The following DOCK8 variants were observed in gnomAD, a reference collection of about 807,000 sequenced individuals.
DOCK8 encodes the protein dedicator of cytokinesis 8.
DOCK8 carries 141 observed loss-of-function variants against 245.6 expected under a neutral mutation model. The observed-to-expected ratio is 0.57, with a 90% CI of 0.50 to 0.66. DOCK8 has a LOEUF of 0.66. DOCK8 is among the 30% of genes least tolerant of loss of function. The pLI, the probability that DOCK8 is intolerant of heterozygous loss-of-function variation, is 0.00. For synonymous variants in DOCK8, 1,168 were observed against 970.2 expected, an observed-to-expected ratio of 1.20 and a Z score of -3.79; for missense variants, 2,965 against 2,603.4, an observed-to-expected ratio of 1.14 and a Z score of -3.02.
At chr9:309,988 C>T (rs1160375812) in intron 5 of DOCK8, among the ~76,000 whole-genome samples, 1 of 152,168 alleles carries the variant, frequency 6.6e-6, no homozygotes, top group Non-Finnish European at 1.5e-5. Context: ...GTCATCGTGG[C>T]CAAGCGTGGT....
chr9:328,183 C>G lies in DOCK8; in HGVS notation c.1044+12C>G, dbSNP rs376502656. Reference sequence around the variant, plus strand: ...ACCTGGTAGTCAAGGTAATTCAGTACGATCTGATTTGCCCAATCTGATGTT... The same window carrying G: ...ACCTGGTAGTCAAGGTAATTCAGTAGGATCTGATTTGCCCAATCTGATGTT... On this transcript the variant is annotated intron_variant, in intron 9 of 47. Coordinates refer to ENST00000432829, the MANE Select transcript of DOCK8 (RefSeq NM_203447.4). 1.2e-6 allele frequency: 2 copies of G among 1,610,804 alleles called. No homozygotes were observed. Among genetic ancestry groups the G allele is most frequent in the Admixed American group, 3.4e-5 (2 of 59,554 alleles).
At chr9:290,348 C>A (rs1035652075) in intron 4 of DOCK8, among the ~76,000 whole-genome samples, 2 of 151,806 alleles carry the variant, frequency 1.3e-5, no homozygotes, top group Admixed American at 1.3e-4. Flanking sequence ...TGAGATAATT[C>A]TTCTTCCAGT....
intron 1 of DOCK8, among the ~76,000 whole-genome samples, chr9:218,552 T>C (rs1419109157): frequency 1.3e-5 from 2 of 152,208 alleles, no homozygotes; most frequent in African/African-American, 4.8e-5. Flanking sequence ...TTAAATGTCA[T>C]AACATGGTAC....
intron 14 of DOCK8, among the ~76,000 whole-genome samples, chr9:350,314 G>C (rs1044836267): frequency 2.0e-5 from 3 of 152,160 alleles, no homozygotes; most frequent in Non-Finnish European, 2.9e-5. Flanking sequence ...GTCTCACTCT[G>C]TTGCCCAGGC....
chr9:434,119 C>T, intron 38 of DOCK8, 144 bp downstream of exon 38: 1 of 684,626 alleles, frequency 1.5e-6, no homozygotes, highest in Non-Finnish European at 2.6e-6. Context: ...ATTAAACATT[C>T]AGAGTAGGTT....
At chr9:263,017 G>C (rs1587685480) in intron 1 of DOCK8, among the ~76,000 whole-genome samples, 1 of 152,116 alleles carries the variant, frequency 6.6e-6, no homozygotes, top group Admixed American at 6.6e-5. Context: ...GACCAGCCTA[G>C]CCAACGTGGT....
At chr9:237,932 G>T (rs958828505) in intron 1 of DOCK8, among the ~76,000 whole-genome samples, 1 of 152,116 alleles carries the variant, frequency 6.6e-6, no homozygotes, top group Non-Finnish European at 1.5e-5. Flanking sequence ...TTCCTGGTCT[G>T]GCAGATGACA....
chr9:218,494 A>T (rs979070007), intron 1 of DOCK8, among the ~76,000 whole-genome samples: 1 of 152,182 alleles, frequency 6.6e-6, no homozygotes, highest in African/African-American at 2.4e-5. Flanking sequence ...GATCTAAGTT[A>T]GGCAGTTCGT....
At chr9:250,125 G>A (rs1563840757) in intron 1 of DOCK8, among the ~76,000 whole-genome samples, 1 of 152,108 alleles carries the variant, frequency 6.6e-6, no homozygotes, top group Non-Finnish European at 1.5e-5. Context: ...ATTATGTCCT[G>A]GCACAAGCAT....
intron 4 of DOCK8, among the ~76,000 whole-genome samples, chr9:294,607 C>T (rs192725599): frequency 6.6e-6 from 1 of 152,304 alleles, no homozygotes; most frequent in Admixed American, 6.5e-5. Context: ...CCGTAAGTCC[C>T]ACTCTTGAGT....
intron 14 of DOCK8, among the ~76,000 whole-genome samples, chr9:357,587 A>ATTTTTTTTTTTTTTTT (rs112232586): frequency 3.4e-5 from 5 of 147,450 alleles, no homozygotes; most frequent in African/African-American, 1.0e-4. Context: ...ATTTGATACC[A>ATTTTTTTTTTTTTTTT]TTTTTTTTTT....
intron 6 of DOCK8, among the ~76,000 whole-genome samples, chr9:315,559 T>C (rs1162378298): frequency 6.6e-6 from 1 of 152,222 alleles, no homozygotes; most frequent in Non-Finnish European, 1.5e-5. Context: ...TATTGCTGTA[T>C]GTTTTTAAAA....
intron 8 of DOCK8, among the ~76,000 whole-genome samples, chr9:325,986 A>G (rs2050749608): frequency 6.6e-6 from 1 of 152,236 alleles, no homozygotes; most frequent in Non-Finnish European, 1.5e-5. Flanking sequence ...AGAAAGAATG[A>G]AATAGCGCAT....
chr9:434,891 G>C lies in DOCK8; in HGVS notation c.4995G>C (p.Leu1665=), dbSNP rs1280959371. Residue 1665 remains leucine (L), a synonymous_variant, in exon 39 of 48, where the codon CTG becomes CTC. Transcript: ENST00000432829. The part of the protein sequence containing the change: ...KKCYTEAAMC[L]VHAAALVAEY... ...GCTACACGGAGGCTGCCATGTGCCT[G>C]GTGCACGCCGCTGCGTTAGTGGCTG... 1 of 1,613,984 alleles carries C rather than the reference G, an allele frequency of 6.2e-7. No individual in the cohort carries two copies. The highest frequency in any genetic ancestry group is 1.7e-5 in the Admixed American group (1 of 60,024).
intron 4 of DOCK8, among the ~76,000 whole-genome samples, chr9:300,407 A>G (rs1397047272): frequency 6.6e-6 from 1 of 152,182 alleles, no homozygotes; most frequent in Admixed American, 6.5e-5. Context: ...AGTTCAGGAA[A>G]TCAAACAAAA....
chr9:399,355 A>G, intron 26 of DOCK8, 96 bp downstream of exon 26: 2 of 893,764 alleles, frequency 2.2e-6, no homozygotes, highest in Non-Finnish European at 3.6e-6. Context: ...CTTCTTCATT[A>G]CTGAGTTGGC....
At chr9:406,149 T>C (rs1371005470) in intron 27 of DOCK8, among the ~76,000 whole-genome samples, 1 of 152,150 alleles carries the variant, frequency 6.6e-6, no homozygotes, top group African/African-American at 2.4e-5. Flanking sequence ...CTGACATCAC[T>C]TGTAGTTCCA....
At chr9:319,910 A>C (rs2050511913) in intron 7 of DOCK8, among the ~76,000 whole-genome samples, 1 of 152,226 alleles carries the variant, frequency 6.6e-6, no homozygotes, top group Non-Finnish European at 1.5e-5. Flanking sequence ...TTGATGGTGA[A>C]ACTTTAATGT....
At chr9:384,064 G>A (rs1242541192) in intron 22 of DOCK8, among the ~76,000 whole-genome samples, 1 of 152,042 alleles carries the variant, frequency 6.6e-6, no homozygotes, top group Non-Finnish European at 1.5e-5. Context: ...ATTACATTTT[G>A]CAGTCTTGCC....
Sources: gnomAD v4.1 joint callset for allele counts (sites outside exome capture counted in the v4.1 genomes callset) on GRCh38, gnomAD v4.1.1 for gene constraint, MANE v1.5 for transcripts, NCBI Gene and HGNC (gene_info 2026-07-23, HGNC 2026-07-21) for gene names.